The following CCDC39 variants were observed in gnomAD, a reference collection of about 807,000 sequenced individuals.
CCDC39 encodes coiled-coil domain 39 molecular ruler complex subunit.
CCDC39 carries 113 observed loss-of-function variants against 121.0 expected under a neutral mutation model. The observed-to-expected ratio is 0.93, with a 90% CI of 0.80 to 1.09. CCDC39 has a LOEUF of 1.09. CCDC39 is among the 50% of genes least tolerant of loss of function. CCDC39 has a pLI of 0.00. For synonymous variants in CCDC39, 349 were observed against 352.2 expected, an observed-to-expected ratio of 0.99 and a Z score of 0.10; for missense variants, 1,063 against 1,074.7, an observed-to-expected ratio of 0.99 and a Z score of 0.15.
intron 14 of CCDC39, among the ~76,000 whole-genome samples, chr3:180,620,660 A>G (rs1717409445): frequency 6.6e-6 from 1 of 152,070 alleles, no homozygotes; most frequent in Admixed American, 6.6e-5. Flanking sequence ...ATATATATGC[A>G]AGAAAATTTT....
chr3:180,615,116 T>G, intron 19 of CCDC39, 39 bp from the exon 20 acceptor site: 1 of 1,470,682 alleles, frequency 6.8e-7, no homozygotes, highest in Non-Finnish European at 9.1e-7. Context: ...AATGCAAAGT[T>G]TATATTTTAG....
At chr3:180,658,826 C>T (rs2108428421) in intron 6 of CCDC39, among the ~76,000 whole-genome samples, 1 of 152,266 alleles carries the variant, frequency 6.6e-6, no homozygotes. Flanking sequence ...AACCCATCTT[C>T]TCACCTGACT....
intron 14 of CCDC39, among the ~76,000 whole-genome samples, chr3:180,621,265 C>CT (rs1717425581): frequency 6.6e-6 from 1 of 152,004 alleles, no homozygotes. Context: ...GATTTCTATT[C>CT]TTTTGTGTAG....
intron 12 of CCDC39, 21 bp from the exon 13 acceptor site, chr3:180,642,222 T>C (rs769910008): frequency 2.7e-6 from 4 of 1,460,112 alleles, no homozygotes; most frequent in Middle Eastern, 1.9e-4. Context: ...AACAAAATGG[T>C]CAAATATTGA....
intron 1 of CCDC39, among the ~76,000 whole-genome samples, chr3:180,676,547 A>T (rs200145336): frequency 0.01 from 1,181 of 117,932 alleles, no homozygotes; most frequent in Admixed American, 0.011. Context: ...TGTTGGTGGG[A>T]CTGTAAACTA....
chr3:180,673,805 A>C (rs1297803264), intron 1 of CCDC39, among the ~76,000 whole-genome samples: 1 of 152,102 alleles, frequency 6.6e-6, no homozygotes, highest in Non-Finnish European at 1.5e-5. Flanking sequence ...ACAGCACTCC[A>C]GAAGGAAGTG....
intron 6 of CCDC39, among the ~76,000 whole-genome samples, chr3:180,658,019 C>T (rs1184563917): frequency 1.3e-5 from 2 of 151,446 alleles, no homozygotes; most frequent in Non-Finnish European, 2.9e-5. Flanking sequence ...GGATTGCCTG[C>T]GGTCAGGAGT....
At chr3:180,660,536 G>A in intron 4 of CCDC39, 34 bp downstream of exon 4, 1 of 1,521,364 alleles carries the variant, frequency 6.6e-7, no homozygotes, top group Non-Finnish European at 8.9e-7. Context: ...CAGAGTTAGA[G>A]AAAACCTAAC....
At chr3:180,674,544 C>G (rs998986583) in intron 1 of CCDC39, among the ~76,000 whole-genome samples, 1 of 152,172 alleles carries the variant, frequency 6.6e-6, no homozygotes, top group African/African-American at 2.4e-5. Flanking sequence ...AGAGGGCATC[C>G]CTGTCTTGTG....
chr3:180,651,870 T>C (rs1348103112), intron 8 of CCDC39, among the ~76,000 whole-genome samples: 1 of 152,116 alleles, frequency 6.6e-6, no homozygotes, highest in African/African-American at 2.4e-5. Context: ...ACCCCGTCTC[T>C]AATAAAAATA....
intron 14 of CCDC39, among the ~76,000 whole-genome samples, chr3:180,627,751 T>C (rs1019111764): frequency 2.6e-5 from 4 of 152,166 alleles, no homozygotes; most frequent in African/African-American, 9.7e-5. Context: ...GAAAAAGCCA[T>C]GTATGCCCCA....
chr3:180,654,737 G>A (rs1460261063), intron 7 of CCDC39, 25 bp downstream of exon 7: 1 of 1,535,392 alleles, frequency 6.5e-7, no homozygotes. Flanking sequence ...GAACATACAA[G>A]CCAGTCTTTT....
rs772618028 is a variant in CCDC39, at chr3:180,616,566, T to C, written c.2536A>G (p.Ile846Val). ...ATACGGATCTCAGTATTTTCTTCTA[T>C]GATATCAACTAACATTTCATCAATA... ...KVIDEMLVDIIEENTEIRIIL... is the reference protein window; with the variant it reads ...KVIDEMLVDIVEENTEIRIIL... The change falls in exon 18 of 20, where the codon ATA (isoleucine) becomes GTA (valine). Residue 846 changes from isoleucine to valine, a missense_variant. By Grantham distance (29) the Ile-to-Val change is conservative. Transcript: ENST00000476379. The C allele has an allele frequency of 1.3e-6, 2 of 1,599,730 alleles. No individual in the cohort carries two copies. The highest frequency in any genetic ancestry group is 2.3e-5 in the South Asian group (2 of 88,106).
At chr3:180,637,987 T>C (rs1234595979) in intron 13 of CCDC39, among the ~76,000 whole-genome samples, 1 of 152,054 alleles carries the variant, frequency 6.6e-6, no homozygotes, top group African/African-American at 2.4e-5. Flanking sequence ...CTAGGATTAG[T>C]AGCTGGGTAA....
chr3:180,623,830 T>A (rs1355450575), intron 14 of CCDC39, among the ~76,000 whole-genome samples: 3 of 151,878 alleles, frequency 2.0e-5, no homozygotes, highest in Non-Finnish European at 4.4e-5. Context: ...TTTTTTTTTT[T>A]ATTTTTTTTG....
chr3:180,642,250 A>G (rs1717972195), intron 12 of CCDC39, 49 bp from the exon 13 acceptor site: 3 of 1,287,234 alleles, frequency 2.3e-6, no homozygotes, highest in Non-Finnish European at 3.1e-6. Context: ...TTTAATTGCA[A>G]AACCAAAATT....
At chr3:180,625,348 C>CTTTTTTTTTTTTTTTTTTTTTTTTTTTTT (rs1177536800) in intron 14 of CCDC39, among the ~76,000 whole-genome samples, 1 of 122,356 alleles carries the variant, frequency 8.2e-6, no homozygotes, top group African/African-American at 3.0e-5. Context: ...GTCTATTTTT[C>CTTTTTTTTTTTTTTTTTTTTTTTTTTTTT]TTTTTTTTTT....
rs1216806909 is a variant in CCDC39 at position 180,644,143 on chromosome 3, C to T, written c.1642G>A (p.Asp548Asn). The T allele has an allele frequency of 1.3e-6, 2 of 1,544,574 alleles. No homozygotes were observed. The highest frequency in any genetic ancestry group is 1.4e-5 in the African/African-American group (1 of 72,808). Residue 548 changes from aspartate (D) to asparagine (N), a missense_variant, in exon 12 of 20, where the codon GAT becomes AAT. Asp to Asn is a conservative substitution (Grantham distance 23). Transcript: ENST00000476379. ...ACCTGCTTAAAACCTTTGGCTTTAT[C>T]AAGTTCTTTCTCTGATCTGTCGATG... ...LFIDRSEKELDKAKGFKQDLM... is the reference protein window; with the variant it reads ...LFIDRSEKELNKAKGFKQDLM...
chr3:180,679,226 G>A lies in CCDC39; in HGVS notation c.90+65C>T. ...GAAATAAAAGGGCTGGGGTAGTACT[G>A]CCAACCAGAAAACGCCCCCAACAGG... On this transcript the variant is annotated intron_variant, in intron 1 of 19. Coordinates refer to ENST00000476379, the MANE Select transcript of CCDC39 (RefSeq NM_181426.2). This position sits in a 1 kb window ranked among gnomAD's most constrained non-coding sequence, Gnocchi z 4.0. The A allele has an allele frequency of 7.9e-7, 1 of 1,269,652 alleles. No individual in the cohort carries two copies. The highest frequency in any genetic ancestry group is 1.2e-6 in the Non-Finnish European group (1 of 865,370). 78.6% of individuals were successfully genotyped at this position (1,269,652 alleles called of 1,614,324 possible). A position where few individuals can be genotyped will look rare whatever the true frequency, so the allele number is the denominator to read the frequency against.
Sources: allele counts gnomAD v4.1 joint callset (sites outside exome capture counted in the v4.1 genomes callset), GRCh38; gene constraint gnomAD v4.1.1; non-coding constraint Gnocchi (gnomAD v3.1); transcripts MANE v1.5; gene names NCBI Gene and HGNC (gene_info 2026-07-23, HGNC 2026-07-21).